The following FBLN1 variants were observed in gnomAD, a reference collection of about 807,000 sequenced individuals.
The protein encoded by FBLN1 is fibulin-1.
A neutral mutation model predicts 89.7 loss-of-function variants in FBLN1; 34 were observed. That is an observed-to-expected ratio of 0.38 (90% CI 0.29 to 0.50). FBLN1 has a LOEUF of 0.50. Among genes scored for constraint, FBLN1 ranks in the 20% least tolerant of loss-of-function variants. The pLI, the probability that FBLN1 is intolerant of heterozygous loss-of-function variation, is 0.92. For synonymous variants in FBLN1, 393 were observed against 391.3 expected, an observed-to-expected ratio of 1.00 and a Z score of -0.05; for missense variants, 777 against 988.1, an observed-to-expected ratio of 0.79 and a Z score of 2.86.
chr22:45,570,792 C>A (rs1183506215), intron 14 of FBLN1, among the ~76,000 whole-genome samples: 2 of 152,042 alleles, frequency 1.3e-5, no homozygotes, highest in Non-Finnish European at 2.9e-5. Context: ...ACAACCAACA[C>A]CAAGACACAT....
intron 10 of FBLN1, among the ~76,000 whole-genome samples, chr22:45,542,589 A>C (rs571994312): frequency 4.9e-4 from 74 of 152,290 alleles, no homozygotes; most frequent in Admixed American, 2.0e-3. Flanking sequence ...GGGCAGCATC[A>C]GCGATTTCCT....
rs576655703 is a variant in FBLN1 at position 45,570,666 on chromosome 22, G to T, written c.1698-3845G>T. ...AATAGGACTCCCTGCAGAAGAAGCC[G>T]AATACATGGGGGAAAGTACTATACA... On this transcript the variant is annotated intron_variant, in intron 14 of 16. Coordinates refer to ENST00000327858, the MANE Select transcript of FBLN1 (RefSeq NM_006486.3). 2.0e-5 allele frequency among the ~76,000 whole-genome samples: 3 copies of T among 152,082 alleles called. No individual in the cohort carries two copies. The South Asian group carries it at 6.2e-4, about 32-fold the overall frequency.
chr22:45,591,765 G>A (rs763259921), intron 16 of FBLN1, among the ~76,000 whole-genome samples: 35 of 152,008 alleles, frequency 2.3e-4, no homozygotes, highest in Non-Finnish European at 4.3e-4. Flanking sequence ...GCTAAGGGCA[G>A]TACAGTCGGG....
rs1001240099 is a variant in FBLN1 at position 45,578,771 on chromosome 22, A to C, written c.1972+1663A>C. On this transcript the variant is annotated intron_variant, in intron 16 of 16. Coordinates refer to ENST00000327858, the MANE Select transcript of FBLN1 (RefSeq NM_006486.3). This position sits in a 1 kb window ranked among gnomAD's most constrained non-coding sequence, Gnocchi z 4.6. ...GACATGGCCCTCAGGTGATTTCTAG[A>C]TCTTGGAACATGGGAGTTTGGAATC... Among the ~76,000 whole-genome samples, 1 of 152,070 alleles carries C rather than the reference A, an allele frequency of 6.6e-6. No homozygotes were observed. The highest frequency in any genetic ancestry group is 1.5e-5 in the Non-Finnish European group (1 of 68,008).
intron 2 of FBLN1, chr22:45,523,220 C>T (rs749983754): frequency 2.9e-5 from 22 of 762,746 alleles, no homozygotes; most frequent in Admixed American, 1.0e-4. Flanking sequence ...TACAGCAAGG[C>T]GGCCAGGGTG....
chr22:45,505,359 A>G (rs975915922), intron 1 of FBLN1, among the ~76,000 whole-genome samples: 1 of 151,914 alleles, frequency 6.6e-6, no homozygotes, highest in Admixed American at 6.6e-5. Flanking sequence ...CTGTGCCGCC[A>G]CTCCTGGAAG....
rs1339432576 is a variant in FBLN1 at position 45,579,052 on chromosome 22, G to T, written c.1972+1944G>T. On this transcript the variant is annotated intron_variant, in intron 16 of 16. Transcript: ENST00000327858. The surrounding 1 kb of genome is among the most constrained non-coding windows in gnomAD (Gnocchi z 5.5). ...CTCTCTTAGGGGAAGTCTCCTGGCA[G>T]GTTTTACGTCTTTAGTTCCCACCTA... Among the ~76,000 whole-genome samples the T allele has an allele frequency of 1.3e-5, 2 of 152,226 alleles. No homozygotes were observed. Among genetic ancestry groups the T allele is most frequent in the African/African-American group, 2.4e-5 (1 of 41,466 alleles).
intron 16 of FBLN1, among the ~76,000 whole-genome samples, chr22:45,586,484 C>T (rs901777451): frequency 6.6e-6 from 1 of 152,200 alleles, no homozygotes; most frequent in South Asian, 2.1e-4. Flanking sequence ...GCGGTGTCAC[C>T]GTGGACGGGA....
At position 45,518,804 on chromosome 22, in the gene FBLN1, C is replaced by T. The variant is rs775783524; in HGVS notation, c.185+17C>T. On this transcript the variant is annotated intron_variant, in intron 2 of 16. Coordinates refer to ENST00000327858, the MANE Select transcript of FBLN1 (RefSeq NM_006486.3). ...AGAATGCAGGTACGTTTGCCAGTGGCCACTGTTTCACTGGAACAATGTTCC... is the reference window on the plus strand; with the variant it reads ...AGAATGCAGGTACGTTTGCCAGTGGTCACTGTTTCACTGGAACAATGTTCC... The T allele has an allele frequency of 3.2e-6, 5 of 1,575,990 alleles. No homozygotes were observed. Among genetic ancestry groups the T allele is most frequent in the Admixed American group, 1.7e-5 (1 of 57,304 alleles).
intron 4 of FBLN1, among the ~76,000 whole-genome samples, chr22:45,529,739 G>A (rs998166232): frequency 8.5e-5 from 13 of 152,284 alleles, no homozygotes; most frequent in African/African-American, 1.9e-4. Context: ...GGTGGCGGGC[G>A]CCTGTAATCC....
intron 8 of FBLN1, 135 bp from the exon 9 acceptor site, chr22:45,541,094 G>A (rs1024852732): frequency 6.3e-5 from 72 of 1,139,904 alleles, no homozygotes; most frequent in Admixed American, 3.5e-5. Flanking sequence ...GTGTGGTCCA[G>A]AGTGAGGGGG....
intron 1 of FBLN1, among the ~76,000 whole-genome samples, chr22:45,510,561 C>T (rs950293210): frequency 2.0e-5 from 3 of 152,090 alleles, no homozygotes; most frequent in South Asian, 4.1e-4. Flanking sequence ...TTAAGATCCT[C>T]GTGGCTCACA....
At chr22:45,553,870 C>T (rs1017322868) in intron 14 of FBLN1, among the ~76,000 whole-genome samples, 3 of 152,184 alleles carry the variant, frequency 2.0e-5, no homozygotes, top group Admixed American at 2.0e-4. Flanking sequence ...AAATTCCATC[C>T]CTGGTTAGTA....
In FBLN1 at chr22:45,556,424, C is replaced by G. The variant is rs1443905385; in HGVS notation, c.1697+5809C>G. On this transcript the variant is annotated intron_variant, in intron 14 of 16. Coordinates refer to ENST00000327858, the MANE Select transcript of FBLN1 (RefSeq NM_006486.3). The surrounding 1 kb of genome is among the most constrained non-coding windows in gnomAD (Gnocchi z 4.6). ...ACCCATTCTGTATTCCCTTTGCCTTCAGCAAGCACCTTGGCAGATCTTGTT... is the reference window on the plus strand; with the variant it reads ...ACCCATTCTGTATTCCCTTTGCCTTGAGCAAGCACCTTGGCAGATCTTGTT... Among the ~76,000 whole-genome samples the G allele has an allele frequency of 2.6e-5, 4 of 151,952 alleles. No homozygotes were observed. The highest frequency in any genetic ancestry group is 5.9e-5 in the Non-Finnish European group (4 of 67,998).
At chr22:45,525,754 C>T (rs2088318713) in intron 3 of FBLN1, 76 bp downstream of exon 3, 4 of 1,536,622 alleles carry the variant, frequency 2.6e-6, no homozygotes, top group Non-Finnish European at 3.5e-6. Flanking sequence ...AGCCAAGCGG[C>T]ACTGTCTGTC....
At chr22:45,516,235 G>A (rs140974234) in intron 1 of FBLN1, among the ~76,000 whole-genome samples, 149 of 151,874 alleles carry the variant, frequency 9.8e-4, no homozygotes, top group Middle Eastern at 3.5e-3. Context: ...CCAGAGAAGG[G>A]GTGAAGGGAG....
At chr22:45,600,224 C>T (rs542712795) in intron 16 of FBLN1, 83 bp from the exon 17 acceptor site, 147 of 1,563,172 alleles carry the variant, frequency 9.4e-5, no homozygotes, top group African/African-American at 6.6e-4. Context: ...AGCTCTGAAA[C>T]TCCTCAAGGG....
At chr22:45,571,269 A>G (rs1278652214) in intron 14 of FBLN1, among the ~76,000 whole-genome samples, 2 of 152,216 alleles carry the variant, frequency 1.3e-5, no homozygotes, top group Admixed American at 6.5e-5. Context: ...AATAAATAAC[A>G]TATTAAGGAC....
chr22:45,568,186 T>A (rs991371710), intron 14 of FBLN1, among the ~76,000 whole-genome samples: 1 of 152,230 alleles, frequency 6.6e-6, no homozygotes, highest in East Asian at 1.9e-4. Context: ...ATACTCTTTC[T>A]CAAATTCCAG....
Sources: gnomAD v4.1 joint callset for allele counts (sites outside exome capture counted in the v4.1 genomes callset) on GRCh38, gnomAD v4.1.1 for gene constraint, Gnocchi (gnomAD v3.1) non-coding constraint, MANE v1.5 for transcripts, NCBI Gene and HGNC (gene_info 2026-07-23, HGNC 2026-07-21) for gene names.